The following DLGAP2 variants were observed in gnomAD, a reference collection of about 807,000 sequenced individuals.
DLGAP2 encodes disks large-associated protein 2.
A neutral mutation model predicts 100.3 loss-of-function variants in DLGAP2; 26 were observed. The ratio of observed to expected loss-of-function variants is 0.26; its 90% CI spans 0.19 to 0.36. The LOEUF is 0.36. Ranked by LOEUF, DLGAP2 falls within the 10% of genes least tolerant of loss-of-function variation. The probability of loss-of-function intolerance (pLI) is 1.00; values close to 1 mark genes in which losing one functional copy is unlikely to be tolerated. For synonymous variants in DLGAP2, 886 were observed against 630.1 expected (o/e 1.41, Z -6.08); for missense variants, 1,858 against 1,453.2 (o/e 1.28, Z -4.53).
rs1165348104 is a variant in DLGAP2, at chr8:1,171,529, T to C, written c.74-87322T>C. Among the ~76,000 whole-genome samples the C allele has an allele frequency of 2.6e-5, 4 of 152,074 alleles. No homozygotes were observed. The East Asian group carries it at 7.7e-4, about 29-fold the overall frequency. On this transcript the variant is annotated intron_variant, in intron 2 of 14. Transcript: ENST00000637795. ...ATGTGTGGGAGTCTAAGTCTCTTTG[T>C]AGGTCACTCAGGACTTGCTTTATGA...
At chr8:1,387,981 G>C (rs1796257367) in intron 3 of DLGAP2, among the ~76,000 whole-genome samples, 1 of 152,234 alleles carries the variant, frequency 6.6e-6, no homozygotes, top group Admixed American at 6.5e-5. Flanking sequence ...CCCAGCGCGT[G>C]AGCAAACACG....
chr8:886,244 T>C (rs993067067), intron 1 of DLGAP2, among the ~76,000 whole-genome samples: 5 of 152,176 alleles, frequency 3.3e-5, no homozygotes, highest in African/African-American at 1.2e-4. Context: ...TCATTTTTTA[T>C]TGTGTCTTTG....
intron 1 of DLGAP2, among the ~76,000 whole-genome samples, chr8:768,418 ATTTTTTTTT>A (rs58234397): frequency 4.3e-4 from 43 of 99,960 alleles, no homozygotes; most frequent in African/African-American, 1.6e-3. Flanking sequence ...GAAGGCGTTG[ATTTTTTTTT>A]TTTTTTTTTT....
rs937332669 is a variant in DLGAP2, at chr8:1,169,467, C to T, written c.74-89384C>T. Among the ~76,000 whole-genome samples, 23 of 152,186 alleles carry T rather than the reference C, an allele frequency of 1.5e-4. 1 individual carries two copies. The highest frequency in any genetic ancestry group is 6.2e-4 in the South Asian group (3 of 4,814). ...GATGGCATTGAATCTATCAATTACCCTGGGCAATATGGCCATTTTCATGAT... is the reference window on the plus strand; with the variant it reads ...GATGGCATTGAATCTATCAATTACCTTGGGCAATATGGCCATTTTCATGAT... On this transcript the variant is annotated intron_variant, in intron 2 of 14. Coordinates refer to ENST00000637795, the MANE Select transcript of DLGAP2 (RefSeq NM_001346810.2).
intron 4 of DLGAP2, among the ~76,000 whole-genome samples, chr8:1,540,177 C>T (rs1046804998): frequency 6.6e-6 from 1 of 152,178 alleles, no homozygotes. Context: ...GGTCTCTGCC[C>T]TGGTCAAGCC....
At chr8:956,453 A>C (rs1799599824) in intron 2 of DLGAP2, among the ~76,000 whole-genome samples, 1 of 152,204 alleles carries the variant, frequency 6.6e-6, no homozygotes, top group Non-Finnish European at 1.5e-5. Flanking sequence ...AGGCCAAATG[A>C]GAGGACCCTC....
At chr8:1,565,563 T>C (rs1175293521) in intron 5 of DLGAP2, 120 bp from the exon 6 acceptor site, 4 of 745,962 alleles carry the variant, frequency 5.4e-6, no homozygotes, top group African/African-American at 3.6e-5. Context: ...CTTTAACTGA[T>C]AAATGACTGT....
intron 2 of DLGAP2, among the ~76,000 whole-genome samples, chr8:1,025,053 CGTGCAT>C (rs1161734641): frequency 6.6e-6 from 1 of 151,750 alleles, no homozygotes; most frequent in Non-Finnish European, 1.5e-5. Context: ...TGTGCATATG[CGTGCAT>C]GTGCATGTGT....
At chr8:1,372,958 G>A (rs187540738) in intron 3 of DLGAP2, among the ~76,000 whole-genome samples, 98 of 152,310 alleles carry the variant, frequency 6.4e-4, no homozygotes, top group Middle Eastern at 3.4e-3. Flanking sequence ...GTGAAGGGAT[G>A]TGGGGTTATG....
intron 3 of DLGAP2, among the ~76,000 whole-genome samples, chr8:1,487,131 C>T (rs532582915): frequency 6.6e-5 from 10 of 152,022 alleles, no homozygotes; most frequent in Admixed American, 3.9e-4. Context: ...TGGTTTTCTG[C>T]GAGTAAACTT....
In DLGAP2 at chr8:872,328, C is replaced by CTT. The variant is rs770291812; in HGVS notation, c.19-35581_19-35580dup. ...AACAGAGGAAAGTTTTCTCTCACTT[C>CTT]TTTTCTTTTTTTTTTTTTTTTTGAG... On this transcript the variant is annotated intron_variant, in intron 1 of 14. Transcript: ENST00000637795. 1.4e-3 allele frequency among the ~76,000 whole-genome samples: 186 copies of CTT among 129,432 alleles called. 20 individuals carry two copies. The highest frequency in any genetic ancestry group is 2.5e-3 in the South Asian group (10 of 4,048). The allele number at this position is 129,432 out of a possible 152,430, so 84.9% of individuals were successfully genotyped here.
chr8:769,563 A>T (rs1221683789), intron 1 of DLGAP2, among the ~76,000 whole-genome samples: 1 of 152,208 alleles, frequency 6.6e-6, no homozygotes, highest in Non-Finnish European at 1.5e-5. Flanking sequence ...GGGAAGGAAC[A>T]GAGAAGTAAA....
intron 2 of DLGAP2, among the ~76,000 whole-genome samples, chr8:999,184 C>T (rs1800870848): frequency 1.3e-5 from 2 of 151,858 alleles, no homozygotes; most frequent in African/African-American, 4.8e-5. Flanking sequence ...GTCCAGTCCC[C>T]TCCTCACGCC....
At chr8:1,683,641 G>A (rs1214203487) in intron 12 of DLGAP2, among the ~76,000 whole-genome samples, 2 of 150,206 alleles carry the variant, frequency 1.3e-5, no homozygotes, top group African/African-American at 4.9e-5. Context: ...GAGGAAGAGA[G>A]GGAAGCAGGA....
intron 2 of DLGAP2, among the ~76,000 whole-genome samples, chr8:1,022,409 C>G (rs1801651792): frequency 6.7e-6 from 1 of 149,232 alleles, no homozygotes; most frequent in Admixed American, 6.7e-5. Context: ...GGTAGACGCT[C>G]CAAACAGCAC....
intron 2 of DLGAP2, among the ~76,000 whole-genome samples, chr8:969,046 A>G (rs1042777848): frequency 6.6e-6 from 1 of 152,192 alleles, no homozygotes; most frequent in Non-Finnish European, 1.5e-5. Context: ...GTTCCCAGGC[A>G]TCAGTCAGAT....
At chr8:824,440 C>A (rs977561693) in intron 1 of DLGAP2, among the ~76,000 whole-genome samples, 5 of 152,260 alleles carry the variant, frequency 3.3e-5, no homozygotes, top group Admixed American at 1.3e-4. Flanking sequence ...CCAGGGTTCC[C>A]TGCAGGAAAT....
At chr8:1,388,040 A>C (rs1018827200) in intron 3 of DLGAP2, among the ~76,000 whole-genome samples, 27 of 152,370 alleles carry the variant, frequency 1.8e-4, no homozygotes, top group South Asian at 1.0e-3. Flanking sequence ...GGATGCAGCC[A>C]GTGCGTGCGG....
intron 3 of DLGAP2, among the ~76,000 whole-genome samples, chr8:1,481,727 C>G (rs1272047717): frequency 1.3e-5 from 2 of 152,142 alleles, no homozygotes; most frequent in Non-Finnish European, 2.9e-5. Flanking sequence ...ATCCACCCGC[C>G]TCAGCCTCCC....
Sources: allele counts gnomAD v4.1 joint callset (sites outside exome capture counted in the v4.1 genomes callset), GRCh38; gene constraint gnomAD v4.1.1; transcripts MANE v1.5; gene names NCBI Gene and HGNC (gene_info 2026-07-23, HGNC 2026-07-21).